SNX20: variants seen among roughly 807,000 people sequenced by gnomAD.
The protein encoded by SNX20 is sorting nexin-20.
SNX20 carries 21 observed loss-of-function variants against 24.5 expected under a neutral mutation model. The ratio of observed to expected loss-of-function variants is 0.86; its 90% CI spans 0.61 to 1.23. The LOEUF (loss-of-function observed/expected upper bound fraction) is 1.23, where lower values mean the gene tolerates loss of function less well. Among genes scored for constraint, SNX20 ranks in the 50% most tolerant of loss-of-function variants. SNX20 has a pLI of 0.00. For synonymous variants in SNX20, 206 were observed against 192.8 expected (o/e 1.07, Z -0.57); for missense variants, 433 against 430.8 (o/e 1.00, Z -0.04).
At chr16:50,680,118 G>A (rs7202124) in intron 1 of SNX20, among the ~76,000 whole-genome samples, 92,727 of 152,104 alleles carry the variant, frequency 0.61, 30,082 homozygotes, top group Non-Finnish European at 0.73. Context: ...TTCATTGGGA[G>A]TCACCCATTT....
chr16:50,667,293 A>C (rs1007505929), downstream of SNX20: 1 of 153,330 alleles, frequency 6.5e-6, no homozygotes, highest in Admixed American at 6.5e-5. Context: ...AGAACTGAGG[A>C]TGCCGAGGGT....
chr16:50,668,616 A>T (rs115704117), downstream of SNX20: 726 of 1,018,812 alleles, frequency 7.1e-4, 9 homozygotes, highest in African/African-American at 0.011. Flanking sequence ...GTTGGGCCCC[A>T]GAGGGAAGGG....
intron 3 of SNX20, among the ~76,000 whole-genome samples, 181 bp from the exon 4 acceptor site, chr16:50,674,255 T>C (rs1567369873): frequency 6.7e-6 from 1 of 149,100 alleles, no homozygotes; most frequent in Non-Finnish European, 1.5e-5. Flanking sequence ...ATTTATTTAT[T>C]TATTTATTTT....
chr16:50,674,949 G>A (rs1006224338), intron 3 of SNX20, among the ~76,000 whole-genome samples: 2 of 152,158 alleles, frequency 1.3e-5, no homozygotes, highest in Admixed American at 1.3e-4. Flanking sequence ...TGGTCTAGCT[G>A]TGTGGTTTTA....
chr16:50,677,553 G>C lies in SNX20; in HGVS notation c.-9-18C>G, dbSNP rs2302723. On this transcript the variant is annotated intron_variant, in intron 1 of 3. Transcript: ENST00000330943. The stretch of plus-strand genomic sequence containing the variant: ...CTCCAAGGCTGCCAGAGGAAAAAGA[G>C]AACAGTGAGGACCCACTCCAGTTGG... The C allele has an allele frequency of 9.1e-4, 1,404 of 1,536,570 alleles. 27 individuals carry two copies. In the East Asian group the frequency reaches 0.032, roughly 35 times the overall value.
At position 50,675,892 on chromosome 16, in the gene SNX20, T is replaced by A; in HGVS notation, c.160A>T (p.Ser54Cys). The change falls in exon 3 of 4, where the codon AGC becomes TGC. Residue 54 changes from serine to cysteine, a missense_variant. Ser to Cys is a moderately radical substitution (Grantham distance 112). Transcript: ENST00000330943. ...TGCTGAAGCTCCCGCGTGGTCATGC[T>A]GGAGTTGGAGCTCAGGCCACTGTGT... Reference protein sequence around the residue: ...DTHSGLSSNSSMTTRELQQYW... With the variant: ...DTHSGLSSNSCMTTRELQQYW... 6.2e-7 allele frequency: 1 copy of A among 1,611,328 alleles called. No individual in the cohort carries two copies.
intron 1 of SNX20, among the ~76,000 whole-genome samples, chr16:50,680,840 C>T (rs1313735040): frequency 5.9e-5 from 9 of 152,182 alleles, no homozygotes; most frequent in Admixed American, 5.2e-4. Context: ...TAGGAAGGTG[C>T]CATTGAACAG....
downstream of SNX20, chr16:50,668,318 C>A: frequency 7.6e-7 from 1 of 1,316,838 alleles, no homozygotes; most frequent in South Asian, 1.6e-5. Context: ...TTGGTGATTG[C>A]AGGTCTCTAA....
At chr16:50,678,275 T>C (rs1963227544) in intron 1 of SNX20, among the ~76,000 whole-genome samples, 1 of 152,196 alleles carries the variant, frequency 6.6e-6, no homozygotes, top group African/African-American at 2.4e-5. Context: ...AATCAATCAA[T>C]AATCTATCTA....
At chr16:50,668,244 C>T (rs1962961317), downstream of SNX20, 8 of 1,428,418 alleles carry the variant, frequency 5.6e-6, no homozygotes, top group South Asian at 1.2e-4. Context: ...TGGTGAGAAA[C>T]TTACCTCCTT....
chr16:50,669,773 TG>T (rs1963000330), downstream of SNX20: 1 of 152,242 alleles, frequency 6.6e-6, no homozygotes, highest in Non-Finnish European at 1.5e-5. Flanking sequence ...CAGGTTACAA[TG>T]TTACAAATGA....
Position 50,672,001 on chromosome 16 carries a change from G to A in SNX20, c.*1405C>T, listed in dbSNP as rs1176173728. ...TAATTCACCCTAATAAGCTCATCCA[G>A]GCAGTTTAGGTCTTCAGGGGCTTCC... On this transcript the variant is annotated 3_prime_UTR_variant, in exon 4 of 4. Coordinates refer to ENST00000330943, the MANE Select transcript of SNX20 (RefSeq NM_182854.4). 6.6e-6 allele frequency: 1 copy of A among 152,238 alleles called. No homozygotes were observed. The highest frequency in any genetic ancestry group is 1.5e-5 in the Non-Finnish European group (1 of 68,056). 9.4% of individuals were successfully genotyped at this position (152,238 alleles called of 1,614,324 possible).
downstream of SNX20, chr16:50,670,322 GAGGTATGC>G (rs1325149479): frequency 1.3e-5 from 2 of 152,254 alleles, no homozygotes; most frequent in Non-Finnish European, 2.9e-5. Context: ...CTCAACCTTT[GAGGTATGC>G]AGGTAAGAGT....
chr16:50,669,080 T>C (rs1324145899), downstream of SNX20: 5 of 1,550,864 alleles, frequency 3.2e-6, no homozygotes, highest in Non-Finnish European at 8.7e-7. Context: ...TCGGGTCTGG[T>C]TCTGGTGCTG....
chr16:50,677,405 C>T lies in SNX20; in HGVS notation c.122G>A (p.Gly41Glu), dbSNP rs916055441. 1.9e-6 allele frequency: 3 copies of T among 1,592,072 alleles called. No individual in the cohort carries two copies. Among genetic ancestry groups the T allele is most frequent in the Non-Finnish European group, 1.7e-6 (2 of 1,168,498 alleles). ...GPDLPHPGPD[G>E]HLDTHSGLSS... ...TCAAGCCTCAAGCCCACCTAAGTGC[C>T]CGTCAGGTCCTGGGTGCGGGAGGTC... The change falls in exon 2 of 4, where the codon GGG (glycine) becomes GAG (glutamate). Residue 41 changes from glycine (G) to glutamate (E), a missense_variant. Gly to Glu is a moderately conservative substitution (Grantham distance 98, BLOSUM62 -2). Coordinates refer to ENST00000330943, the MANE Select transcript of SNX20 (RefSeq NM_182854.4).
At chr16:50,666,314 TAA>T (rs535664420) in exon 4 of SNX20, 5 of 152,358 alleles carry the variant, frequency 3.3e-5, no homozygotes, top group East Asian at 1.9e-4. Context: ...GCAAAATCAT[TAA>T]GTGTTTATGA....
chr16:50,675,029 C>G (rs1963151231), intron 3 of SNX20, among the ~76,000 whole-genome samples: 1 of 152,188 alleles, frequency 6.6e-6, no homozygotes, highest in Admixed American at 6.5e-5. Flanking sequence ...TAGTGCCTAC[C>G]TCACCCAGTG....
intron 1 of SNX20, among the ~76,000 whole-genome samples, chr16:50,680,902 G>A (rs969762605): frequency 4.6e-5 from 7 of 152,200 alleles, no homozygotes; most frequent in Admixed American, 2.0e-4. Context: ...TGAGGCAGGG[G>A]TTCCCTGACA....
At chr16:50,676,906 C>A (rs921208254) in intron 2 of SNX20, among the ~76,000 whole-genome samples, 2 of 152,230 alleles carry the variant, frequency 1.3e-5, no homozygotes, top group Non-Finnish European at 2.9e-5. Flanking sequence ...CAGATGCTGT[C>A]CATGCCCCAG....
Sources: gnomAD v4.1 joint callset for allele counts (sites outside exome capture counted in the v4.1 genomes callset) on GRCh38, gnomAD v4.1.1 for gene constraint, MANE v1.5 for transcripts, NCBI Gene and HGNC (gene_info 2026-07-23, HGNC 2026-07-21) for gene names.